PPARGC1A: variants seen among roughly 807,000 people sequenced by gnomAD.
PPARGC1A encodes peroxisome proliferator-activated receptor gamma coactivator 1-alpha.
In PPARGC1A, 25 loss-of-function variants were observed where a neutral mutation model predicts 88.7. The ratio of observed to expected loss-of-function variants is 0.28; its 90% CI spans 0.21 to 0.39. The LOEUF is 0.39. Ranked by LOEUF, PPARGC1A falls within the 10% of genes least tolerant of loss-of-function variation. The probability of loss-of-function intolerance (pLI) is 1.00; values close to 1 mark genes in which losing one functional copy is unlikely to be tolerated. For synonymous variants in PPARGC1A, 363 were observed against 355.6 expected (o/e 1.02, Z -0.24); for missense variants, 880 against 968.7 (o/e 0.91, Z 1.22).
the PPARGC1A span, among the ~76,000 whole-genome samples, chr4:24,432,005 G>T: frequency 3.9e-5 from 6 of 152,158 alleles, no homozygotes; most frequent in Non-Finnish European, 8.8e-5. Flanking sequence ...AAGCTAAATG[G>T]TTATGGCTTC....
chr4:23,962,864 G>A, the PPARGC1A span, among the ~76,000 whole-genome samples: 26 of 152,224 alleles, frequency 1.7e-4, no homozygotes, highest in African/African-American at 5.5e-4. Flanking sequence ...CTAAAAGAAG[G>A]GAGGCCTCTT....
chr4:24,219,005 C>A, the PPARGC1A span, among the ~76,000 whole-genome samples: 1 of 152,176 alleles, frequency 6.6e-6, no homozygotes, highest in Non-Finnish European at 1.5e-5. Flanking sequence ...AAGGTGGGGA[C>A]CACATAAACT....
At chr4:24,149,157 G>A in the PPARGC1A span, among the ~76,000 whole-genome samples, 1 of 152,020 alleles carries the variant, frequency 6.6e-6, no homozygotes, top group South Asian at 2.1e-4. Context: ...AAACTGTATG[G>A]CAATAAAGAA....
the PPARGC1A span, among the ~76,000 whole-genome samples, chr4:24,304,174 A>C: frequency 6.6e-6 from 1 of 152,212 alleles, no homozygotes; most frequent in Non-Finnish European, 1.5e-5. Context: ...TTGATCTAAT[A>C]AATGCTTATA....
chr4:24,343,567 T>A, the PPARGC1A span, among the ~76,000 whole-genome samples: 2 of 152,150 alleles, frequency 1.3e-5, no homozygotes, highest in Non-Finnish European at 2.9e-5. Flanking sequence ...AGAAAGAAAT[T>A]TCTATTGTTT....
chr4:24,022,333 C>G, the PPARGC1A span, among the ~76,000 whole-genome samples: 1 of 152,110 alleles, frequency 6.6e-6, no homozygotes. Context: ...CCAACTATGT[C>G]TTTCCCTCCC....
intron 2 of PPARGC1A, among the ~76,000 whole-genome samples, chr4:23,858,027 A>C (rs1730521417): frequency 6.6e-6 from 1 of 151,942 alleles, no homozygotes; most frequent in Admixed American, 6.6e-5. Flanking sequence ...AACAACTACT[A>C]TGGCTAAATA....
chr4:23,942,347 T>G, the PPARGC1A span, among the ~76,000 whole-genome samples: 1 of 152,198 alleles, frequency 6.6e-6, no homozygotes, highest in Non-Finnish European at 1.5e-5. Context: ...TATATCTAAA[T>G]GATTCCCAAT....
chr4:24,472,679 G>A, the PPARGC1A span, among the ~76,000 whole-genome samples: 1 of 151,592 alleles, frequency 6.6e-6, no homozygotes, highest in East Asian at 1.9e-4. The surrounding 1 kb of genome is among the most constrained non-coding windows in gnomAD (Gnocchi z 4.5). Context: ...CGCCGCCGCC[G>A]CCGCCGCCGC....
chr4:24,096,577 AAGTAG>A, the PPARGC1A span, among the ~76,000 whole-genome samples: 71 of 152,352 alleles, frequency 4.7e-4, no homozygotes, highest in Non-Finnish European at 6.2e-4. Context: ...TGTAATATTT[AAGTAG>A]AGTAAACTAG....
At chr4:23,891,654 A>G (rs1717857967), upstream of PPARGC1A, among the ~76,000 whole-genome samples, 1 of 152,216 alleles carries the variant, frequency 6.6e-6, no homozygotes, top group South Asian at 2.1e-4. Context: ...AAGGAAGTTG[A>G]CAGTTTATCA....
chr4:24,423,970 CACTT>C, the PPARGC1A span, among the ~76,000 whole-genome samples: 1 of 152,160 alleles, frequency 6.6e-6, no homozygotes, highest in Non-Finnish European at 1.5e-5. Flanking sequence ...ATCTGAGTCT[CACTT>C]CATTGATTTT....
the PPARGC1A span, among the ~76,000 whole-genome samples, chr4:24,385,352 CAA>C: frequency 6.6e-6 from 1 of 152,050 alleles, no homozygotes; most frequent in African/African-American, 2.4e-5. Flanking sequence ...CAAGAGCAAA[CAA>C]ATTCAAAAGC....
At chr4:24,392,242 GC>G in the PPARGC1A span, among the ~76,000 whole-genome samples, 1 of 152,030 alleles carries the variant, frequency 6.6e-6, no homozygotes, top group Non-Finnish European at 1.5e-5. Flanking sequence ...CTAGGTGGAG[GC>G]TTTTTTTAAA....
At chr4:24,263,036 G>A in the PPARGC1A span, among the ~76,000 whole-genome samples, 5 of 152,324 alleles carry the variant, frequency 3.3e-5, no homozygotes, top group East Asian at 9.6e-4. Context: ...ACTCCTGAAA[G>A]AGAAGAGTCA....
Position 23,898,153 on chromosome 4 carries a change from T to C in PPARGC1A, n.52+1114A>G, listed in dbSNP as rs559922051. Among the ~76,000 whole-genome samples, 11 of 152,328 alleles carry C rather than the reference T, an allele frequency of 7.2e-5. No individual in the cohort carries two copies. In the South Asian group the frequency reaches 2.1e-3, roughly 29 times the overall value. On this transcript the variant is annotated intron_variant and non_coding_transcript_variant, in intron 1 of 3. Coordinates refer to the PPARGC1A transcript ENST00000507342. ...GCTCATTATATTTGGTAAAAGACTG[T>C]ACATATTTTTAATTTAGAAGGAATC... is the stretch of plus-strand genomic sequence containing the variant.
At chr4:24,284,007 C>T in the PPARGC1A span, among the ~76,000 whole-genome samples, 1 of 151,684 alleles carries the variant, frequency 6.6e-6, no homozygotes, top group Non-Finnish European at 1.5e-5. Context: ...AGGCTGGTCA[C>T]AGTGGCTCAT....
chr4:23,910,330 TATTA>T, the PPARGC1A span, among the ~76,000 whole-genome samples: 29 of 93,454 alleles, frequency 3.1e-4, no homozygotes, highest in African/African-American at 1.3e-3. Context: ...ATATATTATA[TATTA>T]TATATATTAT....
the PPARGC1A span, among the ~76,000 whole-genome samples, chr4:24,239,358 C>T: frequency 1.3e-5 from 2 of 152,156 alleles, no homozygotes; most frequent in Non-Finnish European, 2.9e-5. Context: ...AATGGTCTCC[C>T]CTCTCTTGGA....
Sources: gnomAD v4.1 joint callset for allele counts (sites outside exome capture counted in the v4.1 genomes callset) on GRCh38, gnomAD v4.1.1 for gene constraint, Gnocchi (gnomAD v3.1) non-coding constraint, MANE v1.5 for transcripts, NCBI Gene and HGNC (gene_info 2026-07-23, HGNC 2026-07-21) for gene names.